Variants in PTPN22 observed in about 807,000 individuals in gnomAD.
The protein encoded by PTPN22 is tyrosine-protein phosphatase non-receptor type 22.
PTPN22 carries 85 observed loss-of-function variants against 103.3 expected under a neutral mutation model. The observed-to-expected ratio is 0.82, with a 90% CI of 0.69 to 0.99. The LOEUF is 0.99. Ranked by LOEUF, PTPN22 falls within the 50% of genes least tolerant of loss-of-function variation. The pLI, the probability that PTPN22 is intolerant of heterozygous loss-of-function variation, is 0.00. For missense variants in PTPN22, 865 were observed against 936.9 expected (o/e 0.92, Z 1.00); for synonymous variants, 323 against 310.2 (o/e 1.04, Z -0.43).
At chr1:113,824,494 C>T (rs7555634) in intron 19 of PTPN22, among the ~76,000 whole-genome samples, 86,288 of 152,088 alleles carry the variant, frequency 0.57, 25,328 homozygotes, top group African/African-American at 0.66. Context: ...TTCATTACAA[C>T]GTAGCAAAAA....
intron 1 of PTPN22, among the ~76,000 whole-genome samples, chr1:113,860,261 G>A (rs1571459357): frequency 6.6e-6 from 1 of 152,272 alleles, no homozygotes; most frequent in Middle Eastern, 3.4e-3. Flanking sequence ...TATTACTGTA[G>A]ATTATCATAA....
chr1:113,848,750 C>T (rs545197479), intron 10 of PTPN22, 124 bp from the exon 11 acceptor site: 49 of 859,658 alleles, frequency 5.7e-5, no homozygotes, highest in East Asian at 3.4e-4. Context: ...AAAGGACGAT[C>T]GGCATGTTAT....
chr1:113,860,605 A>T (rs1034890734), intron 1 of PTPN22, among the ~76,000 whole-genome samples: 23 of 152,184 alleles, frequency 1.5e-4, no homozygotes, highest in African/African-American at 5.5e-4. Flanking sequence ...TTCAAGATGG[A>T]TATGGATACA....
At position 113,854,486 on chromosome 1, in the gene PTPN22, C is replaced by T. The variant is rs371652939; in HGVS notation, c.735G>A (p.Met245Ile). 1.9e-5 allele frequency: 30 copies of T among 1,613,656 alleles called. No individual in the cohort carries two copies. In the African/African-American group the frequency reaches 3.6e-4, roughly 19 times the overall value. Residue 245 changes from methionine to isoleucine, a missense_variant, in exon 9 of 21, where the codon ATG becomes ATA. By Grantham distance (10) the Met-to-Ile change is conservative. Around this residue, in one of 3 missense-constraint regions of PTPN22, gnomAD observed 457 missense variants for 529.1 expected, o/e 0.86. Coordinates refer to ENST00000359785, the Ensembl canonical transcript of PTPN22. ...AGAAACTCACCCCATCTTTTAGCAACATCCATGTATAATCAATAGCACAAA... is the reference window on the plus strand; with the variant it reads ...AGAAACTCACCCCATCTTTTAGCAATATCCATGTATAATCAATAGCACAAA...
At chr1:113,823,954 CA>C (rs1661826150) in intron 19 of PTPN22, among the ~76,000 whole-genome samples, 1 of 152,136 alleles carries the variant, frequency 6.6e-6, no homozygotes, top group African/African-American at 2.4e-5. Context: ...AATGAAAACC[CA>C]AAAGGAAACC....
chr1:113,829,886 T>C, intron 17 of PTPN22, 63 bp downstream of exon 17: 1 of 1,443,836 alleles, frequency 6.9e-7, no homozygotes, highest in Non-Finnish European at 9.7e-7. Flanking sequence ...GGTCCTACTT[T>C]ATTGTTAATC....
intron 18 of PTPN22, among the ~76,000 whole-genome samples, chr1:113,828,204 CTT>C (rs1662253755): frequency 6.6e-6 from 1 of 151,848 alleles, no homozygotes; most frequent in Non-Finnish European, 1.5e-5. Flanking sequence ...TGTTCTTTGT[CTT>C]TTGATTTTTA....
chr1:113,859,527 GC>G lies in PTPN22; in HGVS notation c.88-68del, dbSNP rs139708337. 3,514 of 1,316,940 alleles carry G rather than the reference GC, an allele frequency of 2.7e-3. 63 individuals are homozygous for G. The African/African-American group carries it at 0.046, about 17-fold the overall frequency. The allele number at this position is 1,316,940 out of a possible 1,614,324, so 81.6% of individuals were successfully genotyped here. ...TGAGGTAAGAAGCTATCTCTAAAGA[GC>G]TTTCCTTTTCCACTGGCAAAACATT... On this transcript the variant is annotated intron_variant, in intron 1 of 20. Transcript: ENST00000359785.
chr1:113,832,801 T>C (rs955231244), intron 16 of PTPN22: 3 of 224,394 alleles, frequency 1.3e-5, no homozygotes, highest in Non-Finnish European at 2.6e-5. Flanking sequence ...AAATAATTTT[T>C]TGAATCACAC....
exon 19 of PTPN22, chr1:113,825,164 T>A (rs756305492): frequency 6.7e-7 from 1 of 1,500,698 alleles, no homozygotes; most frequent in South Asian, 1.2e-5. Context: ...TTCGCAAAAT[T>A]TTCAAACTCT....
At chr1:113,825,019 A>T in intron 19 of PTPN22, 123 bp downstream of exon 19, 4 of 521,024 alleles carry the variant, frequency 7.7e-6, no homozygotes, top group Non-Finnish European at 6.7e-6. Flanking sequence ...TCTGATTCAT[A>T]GGACCCTATG....
chr1:113,856,252 A>C (rs1403721071), intron 7 of PTPN22, 130 bp downstream of exon 7: 8 of 1,267,840 alleles, frequency 6.3e-6, no homozygotes, highest in Non-Finnish European at 8.3e-6. Context: ...TTGAATATGA[A>C]GACTCATTCA....
chr1:113,840,494 T>C (rs1343512305), intron 11 of PTPN22, among the ~76,000 whole-genome samples: 3 of 152,206 alleles, frequency 2.0e-5, no homozygotes, highest in Non-Finnish European at 4.4e-5. Context: ...GCAAAAGACT[T>C]GTATACTGAA....
chr1:113,861,229 T>G (rs923525222), intron 1 of PTPN22, among the ~76,000 whole-genome samples: 2 of 152,162 alleles, frequency 1.3e-5, no homozygotes, highest in Non-Finnish European at 2.9e-5. Context: ...CTTTCTGTTT[T>G]TTTGTTTGTT....
At chr1:113,867,582 C>T (rs1666219282) in intron 1 of PTPN22, among the ~76,000 whole-genome samples, 1 of 152,086 alleles carries the variant, frequency 6.6e-6, no homozygotes, top group African/African-American at 2.4e-5. Flanking sequence ...TAATGTCTGC[C>T]TCTCTAAGAC....
chr1:113,863,736 A>T (rs1400191459), intron 1 of PTPN22, among the ~76,000 whole-genome samples: 1 of 152,056 alleles, frequency 6.6e-6, no homozygotes, highest in Non-Finnish European at 1.5e-5. Flanking sequence ...TTATAGAACC[A>T]AGATGTAGCC....
exon 21 of PTPN22, chr1:113,813,857 G>T (rs1474658513): frequency 6.6e-6 from 1 of 152,238 alleles, no homozygotes; most frequent in African/African-American, 2.4e-5. Flanking sequence ...TGGATACATT[G>T]TACTACAAGA....
intron 17 of PTPN22, 42 bp from the exon 18 acceptor site, chr1:113,829,749 C>T (rs759698207): frequency 4.5e-6 from 6 of 1,333,696 alleles, no homozygotes; most frequent in Non-Finnish European, 6.3e-6. Flanking sequence ...CATTGCATAC[C>T]TTCTTAAGCC....
At chr1:113,858,413 AT>A in intron 4 of PTPN22, 64 bp downstream of exon 4, 1 of 1,251,690 alleles carries the variant, frequency 8.0e-7, no homozygotes, top group Non-Finnish European at 1.1e-6. Context: ...CCACTGACCA[AT>A]TTTTTAAAAG....
Sources: allele counts gnomAD v4.1 joint callset (sites outside exome capture counted in the v4.1 genomes callset), GRCh38; gene constraint gnomAD v4.1.1; regional missense constraint gnomAD v4.1.1; transcripts MANE v1.5; gene names NCBI Gene and HGNC (gene_info 2026-07-23, HGNC 2026-07-21).